SEC63: variants seen among roughly 807,000 people sequenced by gnomAD.
The protein encoded by SEC63 is translocation protein SEC63 homolog.
A neutral mutation model predicts 116.2 loss-of-function variants in SEC63; 56 were observed. That is an observed-to-expected ratio of 0.48 (90% confidence interval 0.39 to 0.60). SEC63 has a LOEUF of 0.60. Among genes scored for constraint, SEC63 ranks in the 20% least tolerant of loss-of-function variants. SEC63 has a pLI of 0.00. For synonymous variants in SEC63, 273 were observed against 294.6 expected (o/e 0.93, Z 0.75); for missense variants, 668 against 900.0 (o/e 0.74, Z 3.30).
rs2818191 is a variant in SEC63 at position 107,919,738 on chromosome 6, C to T, written c.452+2059G>A. On this transcript the variant is annotated intron_variant, in intron 4 of 20. Coordinates refer to ENST00000369002, the MANE Select transcript of SEC63 (RefSeq NM_007214.5). The stretch of plus-strand genomic sequence containing the variant: ...TCGGGAGGCTGAGGCAGGAGAATGG[C>T]GTGAACCCGGGAGGCGGAAGTTGCA... Among the ~76,000 whole-genome samples, 401 of 151,836 alleles carry T rather than the reference C, an allele frequency of 2.6e-3. 4 individuals carry two copies. Among genetic ancestry groups the T allele is most frequent in the African/African-American group, 8.7e-3 (362 of 41,382 alleles).
chr6:107,894,177 A>C (rs1185533230), intron 14 of SEC63, among the ~76,000 whole-genome samples: 1 of 152,218 alleles, frequency 6.6e-6, no homozygotes, highest in African/African-American at 2.4e-5. Context: ...TATTTGTTTA[A>C]AATTTCACTT....
chr6:107,885,580 T>A (rs1786509249), intron 16 of SEC63, among the ~76,000 whole-genome samples: 1 of 152,206 alleles, frequency 6.6e-6, no homozygotes, highest in Non-Finnish European at 1.5e-5. Context: ...CTCCCCATAA[T>A]GAACCATGGA....
chr6:107,934,529 T>C (rs1201518699), intron 1 of SEC63, among the ~76,000 whole-genome samples: 1 of 135,828 alleles, frequency 7.4e-6, no homozygotes, highest in Non-Finnish European at 1.6e-5. Context: ...AGCCGCCCCG[T>C]CTGAGAAGTG....
chr6:107,885,627 TG>T (rs1317693571), intron 16 of SEC63, among the ~76,000 whole-genome samples: 1 of 152,200 alleles, frequency 6.6e-6, no homozygotes, highest in Non-Finnish European at 1.5e-5. Context: ...AGCAGCTTTT[TG>T]GGGGGAAAAT....
intron 19 of SEC63, among the ~76,000 whole-genome samples, chr6:107,874,409 A>G (rs1333569395): frequency 1.3e-5 from 2 of 152,212 alleles, no homozygotes; most frequent in Admixed American, 1.3e-4. Context: ...CATGGCTAAC[A>G]CAGTGAAACC....
chr6:107,930,325 A>AGG (rs543011650), intron 1 of SEC63: 1 of 151,680 alleles, frequency 6.6e-6, no homozygotes, highest in Admixed American at 6.6e-5. Flanking sequence ...TAAAAAAAAA[A>AGG]GGGGGCCGGG....
intron 17 of SEC63, among the ~76,000 whole-genome samples, chr6:107,881,769 T>C (rs1395802517): frequency 6.6e-6 from 1 of 152,166 alleles, no homozygotes; most frequent in East Asian, 1.9e-4. Flanking sequence ...ATATGTACTA[T>C]AGTATTTATT....
intron 18 of SEC63, chr6:107,880,940 TAAG>T (rs1324289924): frequency 5.9e-6 from 3 of 504,840 alleles, no homozygotes; most frequent in Non-Finnish European, 1.1e-5. Flanking sequence ...CAGAAATACT[TAAG>T]AAGCTAACAA....
chr6:107,928,851 C>T (rs1405397356), intron 2 of SEC63, among the ~76,000 whole-genome samples: 1 of 152,160 alleles, frequency 6.6e-6, no homozygotes, highest in African/African-American at 2.4e-5. Flanking sequence ...ATGTTAATGG[C>T]CTGTTTAAAA....
chr6:107,954,922 A>G (rs1770680982), intron 1 of SEC63, among the ~76,000 whole-genome samples: 4 of 152,246 alleles, frequency 2.6e-5, no homozygotes, highest in African/African-American at 9.6e-5. Flanking sequence ...TATTCACCTT[A>G]ATTTTCATAA....
intron 16 of SEC63, 116 bp from the exon 17 acceptor site, chr6:107,883,262 C>T (rs1583725822): frequency 7.9e-7 from 1 of 1,267,300 alleles, no homozygotes; most frequent in East Asian, 2.5e-5. Flanking sequence ...GACAATTTCA[C>T]TATTCATATA....
chr6:107,956,772 G>C (rs139200679), intron 1 of SEC63, among the ~76,000 whole-genome samples: 1 of 152,282 alleles, frequency 6.6e-6, no homozygotes, highest in East Asian at 1.9e-4. Flanking sequence ...GAATCCATCT[G>C]AAAGTATAAC....
At chr6:107,947,413 G>T (rs1273866394) in intron 1 of SEC63, among the ~76,000 whole-genome samples, 2 of 152,146 alleles carry the variant, frequency 1.3e-5, no homozygotes, top group Non-Finnish European at 1.5e-5. Context: ...CCATCCTACT[G>T]TAATTACAAC....
At chr6:107,887,984 T>C (rs1786575542) in intron 16 of SEC63, among the ~76,000 whole-genome samples, 2 of 152,232 alleles carry the variant, frequency 1.3e-5, no homozygotes, top group African/African-American at 4.8e-5. Context: ...CATGCTGTTT[T>C]GGTTACTGTA....
At chr6:107,957,764 G>T (rs1018050933) in intron 1 of SEC63, 122 bp downstream of exon 1, 2 of 1,099,508 alleles carry the variant, frequency 1.8e-6, no homozygotes, top group Non-Finnish European at 2.3e-6. Context: ...GACACAGGCC[G>T]GGCCGCACCG....
chr6:107,958,010 G>A lies in SEC63; in HGVS notation c.-1C>T, dbSNP rs1166549325. On this transcript the variant is annotated 5_prime_UTR_variant, in exon 1 of 21. Coordinates refer to ENST00000369002, the MANE Select transcript of SEC63 (RefSeq NM_007214.5). ...CGTACTGGAACTGCTGCCCGGCCAT[G>A]GCACCCCCTCCTCCGCCTCGCTCTT... is the stretch of plus-strand genomic sequence containing the variant. 1.9e-6 allele frequency: 3 copies of A among 1,613,242 alleles called. No individual in the cohort carries two copies. The highest frequency in any genetic ancestry group is 2.5e-6 in the Non-Finnish European group (3 of 1,179,466).
chr6:107,891,569 G>A (rs532869673), intron 16 of SEC63, among the ~76,000 whole-genome samples: 38 of 152,104 alleles, frequency 2.5e-4, no homozygotes, highest in Non-Finnish European at 5.0e-4. Flanking sequence ...CTGTCAGTTC[G>A]TCACATTCAT....
chr6:107,909,816 CTTAA>C (rs1291739749), intron 7 of SEC63, among the ~76,000 whole-genome samples: 4 of 152,120 alleles, frequency 2.6e-5, no homozygotes, highest in African/African-American at 7.2e-5. Context: ...AAACAAACAA[CTTAA>C]TTATTAGACT....
rs1787149028 is a variant in SEC63 at position 107,906,373 on chromosome 6, T to C, written c.961+75A>G. ...TTAGAGCAATGCGAGAACAAACTAA[T>C]ACACACCATTAAGTCTAATTAATTC... is the stretch of plus-strand genomic sequence containing the variant. On this transcript the variant is annotated intron_variant, in intron 10 of 20. Coordinates refer to ENST00000369002, the MANE Select transcript of SEC63 (RefSeq NM_007214.5). 2.0e-6 allele frequency: 3 copies of C among 1,489,352 alleles called. No individual in the cohort carries two copies. In the Admixed American group the frequency reaches 5.0e-5, roughly 25 times the overall value. 92.3% of individuals were successfully genotyped at this position (1,489,352 alleles called of 1,614,324 possible). A position where few individuals can be genotyped will look rare whatever the true frequency, so the allele number is the denominator to read the frequency against.
Sources: gnomAD v4.1 joint callset for allele counts (sites outside exome capture counted in the v4.1 genomes callset) on GRCh38, gnomAD v4.1.1 for gene constraint, MANE v1.5 for transcripts, NCBI Gene and HGNC (gene_info 2026-07-23, HGNC 2026-07-21) for gene names.